PPP2R3B: variants seen among roughly 807,000 people sequenced by gnomAD.
PPP2R3B encodes the protein serine/threonine-protein phosphatase 2A regulatory subunit B'' subunit beta.
Under a neutral mutation model 72.9 loss-of-function variants are expected in PPP2R3B, and 68 were observed. The observed-to-expected ratio is 0.93, with a 90% confidence interval of 0.77 to 1.14. The LOEUF is 1.14. Among genes scored for constraint, PPP2R3B ranks in the 50% most tolerant of loss-of-function variants. PPP2R3B has a pLI of 0.00. For synonymous variants in PPP2R3B, 466 were observed against 375.8 expected, an observed-to-expected ratio of 1.24 and a Z score of -2.78; for missense variants, 1,018 against 842.0, an observed-to-expected ratio of 1.21 and a Z score of -2.59.
At chrX:334,597 C>A (rs1267676371) in intron 12 of PPP2R3B, 80 bp from the exon 13 acceptor site, 4 of 1,351,628 alleles carry the variant, frequency 3.0e-6, no homozygotes, top group East Asian at 6.0e-5. Flanking sequence ...ACAGGCTGCT[C>A]GGCCGCCAAC....
chrX:346,103 G>GAGGAGAGAGGGGA, intron 6 of PPP2R3B, 71 bp downstream of exon 6: 2 of 1,005,258 alleles, frequency 2.0e-6, no homozygotes, highest in Non-Finnish European at 2.8e-6. Flanking sequence ...GGGGAGGAGG[G>GAGGAGAGAGGGGA]AAGGGAAGGG....
At chrX:374,572 G>A (rs895077950) in intron 1 of PPP2R3B, among the ~76,000 whole-genome samples, 1 of 152,144 alleles carries the variant, frequency 6.6e-6, no homozygotes, top group African/African-American at 2.4e-5. Context: ...CTGACATTCC[G>A]GGGGCCTGCA....
chrX:348,045 G>A (rs190349052), intron 2 of PPP2R3B, among the ~76,000 whole-genome samples: 9 of 152,254 alleles, frequency 5.9e-5, no homozygotes, highest in Non-Finnish European at 1.3e-4. Context: ...CAGGCAACGC[G>A]GTGAATCGGA....
Position 346,177 on chromosome X carries a change from C to T in PPP2R3B, c.876G>A (p.Leu292=), listed in dbSNP as rs756322041. ...TCAELRRSSF[L]QNVALLEEEA... The stretch of plus-strand genomic sequence containing the variant: ...GGGACAGGGGGCCGCTCCGCACCTG[C>T]AGGAAGGAGCTCCTCCGCAGCTCGG... Residue 292 remains leucine, a synonymous_variant, in exon 6 of 13, where the codon CTG becomes CTA. Coordinates refer to ENST00000390665, the MANE Select transcript of PPP2R3B (RefSeq NM_013239.5). 6.4e-6 allele frequency: 10 copies of T among 1,557,252 alleles called. No homozygotes were observed. The South Asian group carries it at 7.1e-5, about 11-fold the overall frequency.
At chrX:344,056 G>T (rs1236938811) in intron 7 of PPP2R3B, among the ~76,000 whole-genome samples, 5 of 117,318 alleles carry the variant, frequency 4.3e-5, no homozygotes, top group African/African-American at 3.6e-5. Flanking sequence ...GAGGCGGGAG[G>T]GAGACGTCGC....
chrX:364,304 C>T (rs926355562), intron 1 of PPP2R3B, among the ~76,000 whole-genome samples: 1 of 151,996 alleles, frequency 6.6e-6, no homozygotes, highest in Non-Finnish European at 1.5e-5. Context: ...GGGAGTTCTC[C>T]CCCGAGAACT....
intron 2 of PPP2R3B, among the ~76,000 whole-genome samples, chrX:350,499 G>A (rs1457127550): frequency 1.3e-5 from 2 of 152,218 alleles, no homozygotes; most frequent in Non-Finnish European, 2.9e-5. Flanking sequence ...GGGACTCAGA[G>A]GCAGAATTTT....
chrX:371,368 C>A (rs184612518), intron 1 of PPP2R3B, among the ~76,000 whole-genome samples: 2 of 152,144 alleles, frequency 1.3e-5, no homozygotes, highest in Non-Finnish European at 2.9e-5. Flanking sequence ...CCAAGGCCGG[C>A]GGTCGCTGAA....
At chrX:349,704 C>G (rs2071289192) in intron 2 of PPP2R3B, among the ~76,000 whole-genome samples, 1 of 152,200 alleles carries the variant, frequency 6.6e-6, no homozygotes, top group South Asian at 2.1e-4. Flanking sequence ...TTTCAATATA[C>G]TGGCAACAAA....
intron 1 of PPP2R3B, among the ~76,000 whole-genome samples, chrX:367,838 G>C (rs2071755869): frequency 6.6e-6 from 1 of 152,178 alleles, no homozygotes; most frequent in South Asian, 2.1e-4. Flanking sequence ...AGGACCCAGA[G>C]GCTACACATT....
At chrX:351,069 G>A (rs1410011814) in intron 2 of PPP2R3B, among the ~76,000 whole-genome samples, 1 of 152,206 alleles carries the variant, frequency 6.6e-6, no homozygotes, top group Non-Finnish European at 1.5e-5. Flanking sequence ...TTGCAGTGCT[G>A]CTATGGGAAA....
chrX:386,700 C>T lies in PPP2R3B; in HGVS notation c.-9G>A. On this transcript the variant is annotated 5_prime_UTR_variant, in exon 1 of 13. Coordinates refer to ENST00000390665, the MANE Select transcript of PPP2R3B (RefSeq NM_013239.5). ...ACTTTGCCGGGCGGCATGGCGGGGG[C>T]TGGGCCCGCGGCGCCCCCGGACGCC... 1 of 1,271,678 alleles carries T rather than the reference C, an allele frequency of 7.9e-7. No individual in the cohort carries two copies. Among genetic ancestry groups the T allele is most frequent in the Non-Finnish European group, 9.9e-7 (1 of 1,012,986 alleles). The allele number at this position is 1,271,678 out of a possible 1,614,324, so 78.8% of individuals were successfully genotyped here. A position where few individuals can be genotyped will look rare whatever the true frequency, so the allele number is the denominator to read the frequency against.
rs889883019 is a variant in PPP2R3B at position 347,506 on chromosome X, CA to C, written c.614+83del. On this transcript the variant is annotated intron_variant, in intron 3 of 12. Transcript: ENST00000390665. Reference sequence around the variant, plus strand: ...GTTTCTCCTCTCACTGCGGCAGCCTCAGGGGGCACCCGTCCTGGCACCACGG... The same window carrying C: ...GTTTCTCCTCTCACTGCGGCAGCCTCGGGGGCACCCGTCCTGGCACCACGG... 1.6e-5 allele frequency: 23 copies of C among 1,452,212 alleles called. No homozygotes were observed. The African/African-American group carries it at 2.8e-4, about 18-fold the overall frequency. The allele number at this position is 1,452,212 out of a possible 1,614,324, so 90.0% of individuals were successfully genotyped here.
intron 9 of PPP2R3B, 169 bp from the exon 10 acceptor site, chrX:341,109 GC>G (rs1429164153): frequency 1.7e-6 from 1 of 592,976 alleles, no homozygotes; most frequent in Non-Finnish European, 2.1e-6. Context: ...GGGCGCGCAC[GC>G]GTCCCCCTGT....
At chrX:356,317 G>C (rs1233782627) in intron 2 of PPP2R3B, among the ~76,000 whole-genome samples, 1 of 152,216 alleles carries the variant, frequency 6.6e-6, no homozygotes, top group Non-Finnish European at 1.5e-5. Flanking sequence ...CCAGGTTCAA[G>C]CGATTTTCCT....
chrX:346,896 G>C (rs868839425), intron 4 of PPP2R3B, 121 bp from the exon 5 acceptor site: 1 of 932,644 alleles, frequency 1.1e-6, no homozygotes, highest in Non-Finnish European at 1.6e-6. Flanking sequence ...GTAGACGCCG[G>C]CCCTCCCGTG....
intron 1 of PPP2R3B, among the ~76,000 whole-genome samples, chrX:368,437 C>A (rs5987283): frequency 5.9e-5 from 4 of 67,964 alleles, no homozygotes; most frequent in African/African-American, 1.3e-4. Context: ...CCACCCACCC[C>A]GGGCACTGAC....
rs1291655974 is a variant in PPP2R3B, at chrX:363,656, GCCCACC to G, written c.325-2072_325-2067del. Among the ~76,000 whole-genome samples the G allele has an allele frequency of 6.6e-4, 87 of 132,190 alleles. 2 individuals carry two copies. The highest frequency in any genetic ancestry group is 1.5e-3 in the South Asian group (6 of 3,904). The allele number at this position is 132,190 out of a possible 152,430, so 86.7% of individuals were successfully genotyped here. ...CACCATCCCACAGTCATCTCCCTGT[GCCCACC>G]ATCCCACAATGCATCTCCCCAAGCC... is the stretch of plus-strand genomic sequence containing the variant. On this transcript the variant is annotated intron_variant, in intron 1 of 12. Transcript: ENST00000390665.
At chrX:378,722 T>C (rs968486440) in intron 1 of PPP2R3B, among the ~76,000 whole-genome samples, 1 of 152,052 alleles carries the variant, frequency 6.6e-6, no homozygotes, top group Non-Finnish European at 1.5e-5. Flanking sequence ...GTTTCCATGG[T>C]TGCAGATTCT....
Sources: gnomAD v4.1 joint callset for allele counts (sites outside exome capture counted in the v4.1 genomes callset) on GRCh38, gnomAD v4.1.1 for gene constraint, MANE v1.5 for transcripts, NCBI Gene and HGNC (gene_info 2026-07-23, HGNC 2026-07-21) for gene names.